CD58: variants seen among roughly 807,000 people sequenced by gnomAD.
CD58 encodes lymphocyte function-associated antigen 3.
CD58 carries 14 observed loss-of-function variants against 27.6 expected under a neutral mutation model. The ratio of observed to expected loss-of-function variants is 0.51; its 90% CI spans 0.34 to 0.79. CD58 has a LOEUF of 0.79. CD58 is among the 30% of genes least tolerant of loss of function. CD58 has a pLI of 0.02. For missense variants in CD58, 268 were observed against 301.7 expected, an observed-to-expected ratio of 0.89 and a Z score of 0.83; for synonymous variants, 117 against 103.8, an observed-to-expected ratio of 1.13 and a Z score of -0.77.
At chr1:116,520,267 A>G (rs893863192) in intron 4 of CD58, among the ~76,000 whole-genome samples, 1 of 151,968 alleles carries the variant, frequency 6.6e-6, no homozygotes, top group African/African-American at 2.4e-5. Context: ...ATGCACCACC[A>G]TGCCTGGCTA....
rs1305592574 is a variant in CD58, at chr1:116,552,981, CT to C, written c.71-8378del. On this transcript the variant is annotated intron_variant, in intron 1 of 5. Transcript: ENST00000369489. This position sits in a 1 kb window ranked among gnomAD's most constrained non-coding sequence, Gnocchi z 4.5. Reference sequence around the variant, plus strand: ...CCTGAGTTGCCCTTTCCTTGGACTCCTGACAGCATTAGGTAATTTTTTTTTT... The same window carrying C: ...CCTGAGTTGCCCTTTCCTTGGACTCCGACAGCATTAGGTAATTTTTTTTTT... 1.3e-5 allele frequency among the ~76,000 whole-genome samples: 2 copies of C among 152,090 alleles called. No individual in the cohort carries two copies.
intron 3 of CD58, chr1:116,533,225 T>A (rs534392247): frequency 2.2e-5 from 18 of 802,892 alleles, no homozygotes; most frequent in Non-Finnish European, 4.0e-5. Context: ...AGTTGAAAAA[T>A]GACTCATTGG....
rs750219693 is a variant in CD58 at position 116,557,765 on chromosome 1, C to G, written c.70+13138G>C. ...CGTGGCTCACTGTAGCTTCAACCTC[C>G]TGGGCTCAAGTGATCCTTCTGCCTC... On this transcript the variant is annotated intron_variant, in intron 1 of 5. Transcript: ENST00000369489. The surrounding 1 kb of genome is among the most constrained non-coding windows in gnomAD (Gnocchi z 5.2). Among the ~76,000 whole-genome samples the G allele has an allele frequency of 6.6e-6, 1 of 151,992 alleles. No homozygotes were observed. Among genetic ancestry groups the G allele is most frequent in the Non-Finnish European group, 1.5e-5 (1 of 68,008 alleles).
intron 1 of CD58, among the ~76,000 whole-genome samples, chr1:116,545,212 C>T (rs921443076): frequency 1.3e-5 from 2 of 152,242 alleles, no homozygotes; most frequent in Non-Finnish European, 2.9e-5. Context: ...CAAAGGCCAG[C>T]CCACAGCCTA....
intron 2 of CD58, among the ~76,000 whole-genome samples, chr1:116,539,576 G>C (rs1338981617): frequency 6.6e-6 from 1 of 152,168 alleles, no homozygotes; most frequent in Non-Finnish European, 1.5e-5. Context: ...GAAACATGAA[G>C]AAGTGTTAGT....
In CD58 at chr1:116,559,732, T is replaced by C. The variant is rs1658695923; in HGVS notation, c.70+11171A>G. Among the ~76,000 whole-genome samples, 1 of 152,218 alleles carries C rather than the reference T, an allele frequency of 6.6e-6. No homozygotes were observed. Among genetic ancestry groups the C allele is most frequent in the Admixed American group, 6.5e-5 (1 of 15,282 alleles). On this transcript the variant is annotated intron_variant, in intron 1 of 5. Coordinates refer to ENST00000369489, the MANE Select transcript of CD58 (RefSeq NM_001779.3). This position sits in a 1 kb window ranked among gnomAD's most constrained non-coding sequence, Gnocchi z 4.4. ...GATAAGTTCATCAAGAATTAAGATGTTGGTTCTCTAAATCAACTTCTTTCT... is the reference window on the plus strand; with the variant it reads ...GATAAGTTCATCAAGAATTAAGATGCTGGTTCTCTAAATCAACTTCTTTCT...
At chr1:116,535,323 C>T (rs985095258) in intron 3 of CD58, among the ~76,000 whole-genome samples, 8 of 152,296 alleles carry the variant, frequency 5.3e-5, no homozygotes, top group Non-Finnish European at 1.0e-4. Flanking sequence ...CTACTCAAAG[C>T]CAGGTTCTGC....
In CD58 at chr1:116,531,785, TCTAA is replaced by T. The variant is rs1367465843; in HGVS notation, c.628+4176_628+4179del. Among the ~76,000 whole-genome samples the T allele has an allele frequency of 3.3e-5, 5 of 152,264 alleles. No individual in the cohort carries two copies. The highest frequency in any genetic ancestry group is 7.2e-5 in the African/African-American group (3 of 41,460). On this transcript the variant is annotated intron_variant, in intron 3 of 5. Transcript: ENST00000369489. The surrounding 1 kb of genome is among the most constrained non-coding windows in gnomAD (Gnocchi z 4.5). ...GTGTTTCATAACTTTAATAGAATAT[TCTAA>T]CTATTATGTACAAATTGAAAACACT...
intron 1 of CD58, among the ~76,000 whole-genome samples, chr1:116,562,420 G>GT (rs1658785758): frequency 6.6e-6 from 1 of 152,102 alleles, no homozygotes; most frequent in Non-Finnish European, 1.5e-5. Context: ...CCAGACTCAA[G>GT]CAATTGCCAG....
chr1:116,564,488 A>G (rs2101229945), intron 1 of CD58, among the ~76,000 whole-genome samples: 2 of 152,356 alleles, frequency 1.3e-5, no homozygotes, highest in South Asian at 2.1e-4. Flanking sequence ...AGACATACCC[A>G]AGACTGGGTA....
intron 5 of CD58, among the ~76,000 whole-genome samples, chr1:116,518,098 A>G (rs1038451525): frequency 1.3e-5 from 2 of 152,074 alleles, no homozygotes; most frequent in African/African-American, 4.8e-5. Context: ...TATCATTGTC[A>G]TTTCTATATT....
Position 116,523,915 on chromosome 1 carries a change from GT to G in CD58, c.629-1933del, listed in dbSNP as rs1657348118. On this transcript the variant is annotated intron_variant, in intron 3 of 5. Transcript: ENST00000369489. This position sits in a 1 kb window ranked among gnomAD's most constrained non-coding sequence, Gnocchi z 4.4. The stretch of plus-strand genomic sequence containing the variant: ...AGCATTCTCTAGAGATGACCAGTGA[GT>G]TTTTAAATTTGTTTTTAGTACATTA... Among the ~76,000 whole-genome samples the G allele has an allele frequency of 6.6e-6, 1 of 152,216 alleles. No individual in the cohort carries two copies. Among genetic ancestry groups the G allele is most frequent in the African/African-American group, 2.4e-5 (1 of 41,448 alleles).
rs1366258296 is a variant in CD58 at position 116,531,351 on chromosome 1, A to G, written c.628+4614T>C. Among the ~76,000 whole-genome samples, 2 of 152,184 alleles carry G rather than the reference A, an allele frequency of 1.3e-5. No individual in the cohort carries two copies. Among genetic ancestry groups the G allele is most frequent in the African/African-American group, 4.8e-5 (2 of 41,442 alleles). On this transcript the variant is annotated intron_variant, in intron 3 of 5. Transcript: ENST00000369489. The surrounding 1 kb of genome is among the most constrained non-coding windows in gnomAD (Gnocchi z 4.5). ...TATTTTGTCTCTTGGAACACTTAAA[A>G]CTTTTCAAGATTTCAACTTGCTTGC...
rs1045746853 is a variant in CD58 at position 116,570,627 on chromosome 1, G to A, written c.70+276C>T. 1.3e-5 allele frequency among the ~76,000 whole-genome samples: 2 copies of A among 152,198 alleles called. No individual in the cohort carries two copies. The highest frequency in any genetic ancestry group is 2.4e-5 in the African/African-American group (1 of 41,456). ...CTGGAGCTCGGGAGGGGGCCGGCGG[G>A]GGGGCGCAGGCCCCGCAGGAGAGGC... On this transcript the variant is annotated intron_variant, in intron 1 of 5. Coordinates refer to ENST00000369489, the MANE Select transcript of CD58 (RefSeq NM_001779.3). This position sits in a 1 kb window ranked among gnomAD's most constrained non-coding sequence, Gnocchi z 6.4.
At position 116,519,405 on chromosome 1, in the gene CD58, T is replaced by G. The variant is rs1657194703; in HGVS notation, c.707-138A>C. The stretch of plus-strand genomic sequence containing the variant: ...ATCACCCTGGGATTTCCTGCTATCC[T>G]ATATGCTTTAAATCAAATCGGCTAC... On this transcript the variant is annotated intron_variant, in intron 4 of 5. Coordinates refer to ENST00000369489, the MANE Select transcript of CD58 (RefSeq NM_001779.3). The surrounding 1 kb of genome is among the most constrained non-coding windows in gnomAD (Gnocchi z 4.7). 1 of 763,402 alleles carries G rather than the reference T, an allele frequency of 1.3e-6. No homozygotes were observed. Among genetic ancestry groups the G allele is most frequent in the African/African-American group, 1.7e-5 (1 of 57,750 alleles). 47.3% of individuals were successfully genotyped at this position (763,402 alleles called of 1,614,324 possible). A position where few individuals can be genotyped will look rare whatever the true frequency, so the allele number is the denominator to read the frequency against.
chr1:116,566,742 T>A (rs1192178855), intron 1 of CD58, among the ~76,000 whole-genome samples: 3 of 152,230 alleles, frequency 2.0e-5, no homozygotes, highest in African/African-American at 7.2e-5. Flanking sequence ...AAAGAATCCA[T>A]GAGTCCACAT....
chr1:116,535,742 G>A (rs1657775068), intron 3 of CD58, among the ~76,000 whole-genome samples: 1 of 126,456 alleles, frequency 7.9e-6, no homozygotes. Context: ...TCGGGAGGCT[G>A]AGGCAGGAGA....
In CD58 at chr1:116,570,758, A is replaced by G. The variant is rs1193943304; in HGVS notation, c.70+145T>C. On this transcript the variant is annotated intron_variant, in intron 1 of 5. Transcript: ENST00000369489. This position sits in a 1 kb window ranked among gnomAD's most constrained non-coding sequence, Gnocchi z 6.4. ...ACTTTCTCTTCCTGAAAAGGCTCCC[A>G]CGGCTGAGTTGTTCCCGGCCCACAG... is the stretch of plus-strand genomic sequence containing the variant. 2 of 595,270 alleles carry G rather than the reference A, an allele frequency of 3.4e-6. No individual in the cohort carries two copies. The highest frequency in any genetic ancestry group is 5.8e-6 in the Non-Finnish European group (2 of 347,192). 36.9% of individuals were successfully genotyped at this position (595,270 alleles called of 1,614,324 possible). A position where few individuals can be genotyped will look rare whatever the true frequency, so the allele number is the denominator to read the frequency against.
intron 3 of CD58, among the ~76,000 whole-genome samples, chr1:116,529,264 G>C (rs565099834): frequency 1.3e-5 from 2 of 152,300 alleles, no homozygotes; most frequent in South Asian, 4.1e-4. Context: ...CTGACCTTGA[G>C]ATCTCTGAAC....
Sources: gnomAD v4.1 joint callset for allele counts (sites outside exome capture counted in the v4.1 genomes callset) on GRCh38, gnomAD v4.1.1 for gene constraint, Gnocchi (gnomAD v3.1) non-coding constraint, MANE v1.5 for transcripts, NCBI Gene and HGNC (gene_info 2026-07-23, HGNC 2026-07-21) for gene names.